Variants in ARMH4 observed in about 807,000 individuals in gnomAD.
The protein encoded by ARMH4 is armadillo-like helical domain-containing protein 4.
In ARMH4, 49 loss-of-function variants were observed where a neutral mutation model predicts 61.9. The ratio of observed to expected loss-of-function variants is 0.79; its 90% CI spans 0.63 to 1.00. ARMH4 has a LOEUF of 1.00. Ranked by LOEUF, ARMH4 falls within the 50% of genes least tolerant of loss-of-function variation. The pLI, the probability that ARMH4 is intolerant of heterozygous loss-of-function variation, is 0.00. For synonymous variants in ARMH4, 368 were observed against 341.5 expected (o/e 1.08, Z -0.85); for missense variants, 934 against 930.0 (o/e 1.00, Z -0.06).
chr14:58,123,216 C>T (rs955574363), intron 4 of ARMH4, among the ~76,000 whole-genome samples: 3 of 152,166 alleles, frequency 2.0e-5, no homozygotes, highest in Non-Finnish European at 4.4e-5. Context: ...GGCCATTATA[C>T]ACCTGAACAT....
chr14:58,093,931 T>C (rs936024810), intron 5 of ARMH4, among the ~76,000 whole-genome samples: 1 of 152,082 alleles, frequency 6.6e-6, no homozygotes, highest in East Asian at 1.9e-4. Context: ...CCTAGAGAAA[T>C]AGTAAATAAT....
chr14:58,094,528 G>T (rs1312149345), intron 5 of ARMH4, among the ~76,000 whole-genome samples: 1 of 152,084 alleles, frequency 6.6e-6, no homozygotes, highest in African/African-American at 2.4e-5. Flanking sequence ...CCATACAATT[G>T]AATACTAGTC....
chr14:58,082,719 CTCAA>C (rs558107835), intron 5 of ARMH4, among the ~76,000 whole-genome samples: 1 of 152,304 alleles, frequency 6.6e-6, no homozygotes, highest in Admixed American at 6.5e-5. Context: ...CATTGTTCTG[CTCAA>C]TCACTCATGA....
intron 4 of ARMH4, among the ~76,000 whole-genome samples, chr14:58,126,628 GA>G (rs1468844487): frequency 6.6e-6 from 1 of 151,622 alleles, no homozygotes; most frequent in African/African-American, 2.4e-5. Flanking sequence ...GCCTGGCTGG[GA>G]AAAAAATGTC....
chr14:58,100,118 T>C (rs1405132583), intron 4 of ARMH4, among the ~76,000 whole-genome samples: 1 of 152,092 alleles, frequency 6.6e-6, no homozygotes, highest in Admixed American at 6.6e-5. Context: ...GAAACAGGCA[T>C]GGTGCAGGAA....
chr14:58,110,127 C>T (rs1886303545), intron 4 of ARMH4, among the ~76,000 whole-genome samples: 1 of 152,142 alleles, frequency 6.6e-6, no homozygotes, highest in Non-Finnish European at 1.5e-5. Flanking sequence ...GGATACAGAG[C>T]CAAACCGTAT....
intron 2 of ARMH4, 107 bp downstream of exon 2, chr14:58,137,883 G>A (rs1887359171): frequency 2.7e-6 from 3 of 1,117,564 alleles, no homozygotes; most frequent in African/African-American, 3.2e-5. Flanking sequence ...TGCTGCACCT[G>A]GCCTGCTTTT....
At chr14:58,087,524 G>A (rs951807405) in intron 5 of ARMH4, among the ~76,000 whole-genome samples, 1 of 152,098 alleles carries the variant, frequency 6.6e-6, no homozygotes, top group Non-Finnish European at 1.5e-5. Flanking sequence ...GCTGCTTCAC[G>A]TTCATTTTCT....
chr14:58,085,543 G>A (rs916487779), intron 5 of ARMH4, among the ~76,000 whole-genome samples: 6 of 152,070 alleles, frequency 3.9e-5, no homozygotes, highest in African/African-American at 1.4e-4. Context: ...TTAGTTCCAA[G>A]TCTCCTTTTC....
chr14:58,003,944 G>C lies in ARMH4; in HGVS notation c.*792C>G, dbSNP rs185302016. Reference sequence around the variant, plus strand: ...CTTGAATTCTTCTTCATTTTTTCTCGGCAAAATCAACTAGCACACAAAAAG... The same window carrying C: ...CTTGAATTCTTCTTCATTTTTTCTCCGCAAAATCAACTAGCACACAAAAAG... On this transcript the variant is annotated 3_prime_UTR_variant, in exon 8 of 8. Transcript: ENST00000267485. 1.3e-5 allele frequency: 2 copies of C among 151,876 alleles called. No individual in the cohort carries two copies. The highest frequency in any genetic ancestry group is 1.3e-4 in the Admixed American group (2 of 15,264). The allele number at this position is 151,876 out of a possible 1,614,324, so 9.4% of individuals were successfully genotyped here. A position where few individuals can be genotyped will look rare whatever the true frequency, so the allele number is the denominator to read the frequency against.
At chr14:58,075,459 T>C (rs1415223559) in intron 5 of ARMH4, among the ~76,000 whole-genome samples, 5 of 152,176 alleles carry the variant, frequency 3.3e-5, no homozygotes, top group African/African-American at 7.2e-5. Context: ...TGCAGGGACA[T>C]GGATGAAGCT....
chr14:58,059,352 C>T (rs1884455704), intron 5 of ARMH4, among the ~76,000 whole-genome samples: 1 of 152,258 alleles, frequency 6.6e-6, no homozygotes, highest in Non-Finnish European at 1.5e-5. Flanking sequence ...GATTCAAGGC[C>T]ACTCTGCCAA....
intron 5 of ARMH4, among the ~76,000 whole-genome samples, chr14:58,090,089 G>A (rs1885508402): frequency 6.6e-6 from 1 of 152,148 alleles, no homozygotes; most frequent in African/African-American, 2.4e-5. Flanking sequence ...AGGATTTCTA[G>A]AGAAAAATAT....
chr14:58,120,299 C>T (rs1886683401), intron 4 of ARMH4, among the ~76,000 whole-genome samples: 1 of 151,980 alleles, frequency 6.6e-6, no homozygotes, highest in Non-Finnish European at 1.5e-5. Flanking sequence ...CTTCATTATA[C>T]AGCACATTAC....
chr14:58,135,123 T>C (rs1291935028), intron 2 of ARMH4, among the ~76,000 whole-genome samples: 1 of 152,232 alleles, frequency 6.6e-6, no homozygotes, highest in Admixed American at 6.5e-5. Context: ...ACACTATTTT[T>C]CCTTTTGAAT....
intron 5 of ARMH4, among the ~76,000 whole-genome samples, chr14:58,091,653 T>A (rs1243922876): frequency 1.3e-5 from 2 of 152,208 alleles, no homozygotes; most frequent in South Asian, 2.1e-4. Context: ...TTAAAGATGA[T>A]AATTGTGTGA....
chr14:58,104,529 T>C (rs1886106594), intron 4 of ARMH4, among the ~76,000 whole-genome samples: 1 of 152,212 alleles, frequency 6.6e-6, no homozygotes. Flanking sequence ...TCATAATCTT[T>C]TTCTTCCAGA....
At chr14:58,074,570 G>A (rs1884985384) in intron 5 of ARMH4, among the ~76,000 whole-genome samples, 1 of 151,062 alleles carries the variant, frequency 6.6e-6, no homozygotes. Context: ...TAATTTCTGT[G>A]GTGTAAATCC....
intron 5 of ARMH4, among the ~76,000 whole-genome samples, chr14:58,014,283 G>A (rs1369038117): frequency 6.6e-6 from 1 of 152,098 alleles, no homozygotes; most frequent in Non-Finnish European, 1.5e-5. Context: ...AGACAAAGAC[G>A]GTGGTGATCA....
Sources: allele counts gnomAD v4.1 joint callset (sites outside exome capture counted in the v4.1 genomes callset), GRCh38; gene constraint gnomAD v4.1.1; transcripts MANE v1.5; gene names NCBI Gene and HGNC (gene_info 2026-07-23, HGNC 2026-07-21).